PXDNL: variants seen among roughly 807,000 people sequenced by gnomAD.
The protein encoded by PXDNL is peroxidasin like.
A neutral mutation model predicts 150.8 loss-of-function variants in PXDNL; 145 were observed. That is an observed-to-expected ratio of 0.96 (90% CI 0.84 to 1.10). The LOEUF is 1.10. Ranked by LOEUF, PXDNL falls within the 50% of genes least tolerant of loss-of-function variation. The pLI is 0.00. For missense variants in PXDNL, 2,087 were observed against 1,873.9 expected (o/e 1.11, Z -2.10); for synonymous variants, 757 against 725.7 (o/e 1.04, Z -0.69).
intron 2 of PXDNL, among the ~76,000 whole-genome samples, chr8:51,627,463 A>G (rs1394075459): frequency 6.6e-6 from 1 of 152,236 alleles, no homozygotes; most frequent in Non-Finnish European, 1.5e-5. Flanking sequence ...ATGCACTACT[A>G]GACAATATAT....
chr8:51,701,355 A>G (rs1290180177), intron 1 of PXDNL, among the ~76,000 whole-genome samples: 2 of 152,176 alleles, frequency 1.3e-5, no homozygotes, highest in East Asian at 3.8e-4. Context: ...CTTTCAATTC[A>G]ATAGGTCTTC....
chr8:51,612,637 G>C (rs944355820), intron 2 of PXDNL, among the ~76,000 whole-genome samples: 4 of 152,074 alleles, frequency 2.6e-5, no homozygotes, highest in Non-Finnish European at 4.4e-5. Context: ...AATGGGATTA[G>C]CGCCCTTATA....
intron 1 of PXDNL, among the ~76,000 whole-genome samples, chr8:51,685,993 A>G (rs900637493): frequency 7.2e-5 from 11 of 152,236 alleles, no homozygotes; most frequent in Non-Finnish European, 1.5e-4. Flanking sequence ...TTCAAATTTC[A>G]GAAGTTCTTC....
chr8:51,365,894 A>G (rs143545542), intron 19 of PXDNL, among the ~76,000 whole-genome samples: 1 of 152,210 alleles, frequency 6.6e-6, no homozygotes, highest in African/African-American at 2.4e-5. Flanking sequence ...CAAAAGCAAA[A>G]TGGAGGCACT....
At chr8:51,536,617 G>A (rs1482039650) in intron 4 of PXDNL, among the ~76,000 whole-genome samples, 1 of 138,568 alleles carries the variant, frequency 7.2e-6, no homozygotes, top group African/African-American at 3.0e-5. Flanking sequence ...AATATCCCAA[G>A]TCTTTCAGTT....
intron 1 of PXDNL, among the ~76,000 whole-genome samples, chr8:51,759,145 G>A (rs1294692747): frequency 5.9e-5 from 9 of 152,114 alleles, no homozygotes; most frequent in South Asian, 2.1e-4. Context: ...GTTTGCCCCC[G>A]CATTGGTTGA....
intron 1 of PXDNL, among the ~76,000 whole-genome samples, chr8:51,712,871 C>T (rs564578172): frequency 6.6e-6 from 1 of 152,044 alleles, no homozygotes; most frequent in Admixed American, 6.5e-5. Context: ...TGACTTTTTT[C>T]AATTATTCAT....
intron 4 of PXDNL, among the ~76,000 whole-genome samples, chr8:51,542,809 CAA>C (rs530935588): frequency 6.8e-5 from 8 of 118,468 alleles, no homozygotes; most frequent in African/African-American, 6.3e-5. Context: ...GACTCCATCT[CAA>C]AAAAAAAAAA....
At chr8:51,769,228 G>A (rs2037264410) in intron 1 of PXDNL, among the ~76,000 whole-genome samples, 1 of 152,242 alleles carries the variant, frequency 6.6e-6, no homozygotes, top group Non-Finnish European at 1.5e-5. Context: ...CATATGGGAA[G>A]ATATGCTAAC....
chr8:51,717,031 G>A (rs1377364610), intron 1 of PXDNL, among the ~76,000 whole-genome samples: 1 of 152,174 alleles, frequency 6.6e-6, no homozygotes, highest in Admixed American at 6.5e-5. Flanking sequence ...ACCAGAGGAG[G>A]TTGTCTAGGT....
chr8:51,334,123 G>GAAAT (rs879300273), intron 21 of PXDNL, among the ~76,000 whole-genome samples: 33,005 of 150,938 alleles, frequency 0.22, 3,790 homozygotes, highest in Middle Eastern at 0.3. Flanking sequence ...AAGCATTCTC[G>GAAAT]CAGACCACAG....
At chr8:51,727,789 C>CT in intron 1 of PXDNL, among the ~76,000 whole-genome samples, 1 of 152,194 alleles carries the variant, frequency 6.6e-6, no homozygotes, top group Non-Finnish European at 1.5e-5. Flanking sequence ...CAGGAAATGT[C>CT]TTAACTTTGC....
intron 19 of PXDNL, among the ~76,000 whole-genome samples, chr8:51,351,237 A>G (rs1361835296): frequency 2.6e-5 from 4 of 152,242 alleles, no homozygotes; most frequent in Admixed American, 2.6e-4. Context: ...TCTAATCCCC[A>G]GTAACTCAGA....
chr8:51,597,719 C>CT (rs1186776655), intron 2 of PXDNL, among the ~76,000 whole-genome samples: 2,413 of 131,458 alleles, frequency 0.018, 29 homozygotes, highest in African/African-American at 0.04. Context: ...CATTTTTTTT[C>CT]TTTTTTTTTT....
Position 51,808,075 on chromosome 8 carries a change from T to C in PXDNL, c.164+1106A>G, listed in dbSNP as rs142992487. On this transcript the variant is annotated intron_variant, in intron 1 of 22. Coordinates refer to ENST00000356297, the MANE Select transcript of PXDNL (RefSeq NM_144651.5). ...ATGAAAATCTATGGATAATATGTCA[T>C]TTTCTATGTAAATACCATCAAATTG... Among the ~76,000 whole-genome samples, 1,166 of 152,336 alleles carry C rather than the reference T, an allele frequency of 7.7e-3. 12 individuals are homozygous for C. Among genetic ancestry groups the C allele is most frequent in the African/African-American group, 0.026 (1,099 of 41,572 alleles).
chr8:51,329,335 A>G (rs1805611680), intron 21 of PXDNL, among the ~76,000 whole-genome samples: 1 of 152,210 alleles, frequency 6.6e-6, no homozygotes, highest in Admixed American at 6.5e-5. Context: ...AAAAACAAAG[A>G]CACTGGAGGA....
chr8:51,715,623 G>A (rs983908802), intron 1 of PXDNL, among the ~76,000 whole-genome samples: 3 of 152,088 alleles, frequency 2.0e-5, no homozygotes, highest in African/African-American at 4.8e-5. Flanking sequence ...AGAGCAACAC[G>A]TAGCAAAGCA....
chr8:51,577,521 C>T (rs1488380869), intron 3 of PXDNL, among the ~76,000 whole-genome samples: 1 of 148,490 alleles, frequency 6.7e-6, no homozygotes, highest in Non-Finnish European at 1.5e-5. Context: ...AGAGAGAAAA[C>T]ACAAGTACCA....
At chr8:51,760,823 A>G (rs2037153838) in intron 1 of PXDNL, among the ~76,000 whole-genome samples, 1 of 135,616 alleles carries the variant, frequency 7.4e-6, no homozygotes. Context: ...GTTCATGGTT[A>G]GCCTGAAGGA....
Sources: gnomAD v4.1 joint callset for allele counts (sites outside exome capture counted in the v4.1 genomes callset) on GRCh38, gnomAD v4.1.1 for gene constraint, MANE v1.5 for transcripts, NCBI Gene and HGNC (gene_info 2026-07-23, HGNC 2026-07-21) for gene names.